Variants in KHDRBS2 observed in about 807,000 individuals in gnomAD.
KHDRBS2 encodes KH domain-containing, RNA-binding, signal transduction-associated protein 2.
A neutral mutation model predicts 44.3 loss-of-function variants in KHDRBS2; 26 were observed. The observed-to-expected ratio is 0.59, with a 90% CI of 0.43 to 0.81. The LOEUF is 0.81. Among genes scored for constraint, KHDRBS2 ranks in the 40% least tolerant of loss-of-function variants. The probability of loss-of-function intolerance (pLI) is 0.00; values close to 1 mark genes in which losing one functional copy is unlikely to be tolerated. For missense variants in KHDRBS2, 476 were observed against 433.1 expected, an observed-to-expected ratio of 1.10 and a Z score of -0.88; for synonymous variants, 194 against 151.1, an observed-to-expected ratio of 1.28 and a Z score of -2.08.
the KHDRBS2 span, among the ~76,000 whole-genome samples, chr6:61,671,798 CA>C: frequency 6.6e-6 from 1 of 151,650 alleles, no homozygotes; most frequent in Non-Finnish European, 1.5e-5. Context: ...ATGGCTTATA[CA>C]AGTATATTTC....
At chr6:61,827,243 GCA>G (rs987418804) in intron 6 of KHDRBS2, among the ~76,000 whole-genome samples, 3 of 152,158 alleles carry the variant, frequency 2.0e-5, no homozygotes, top group African/African-American at 7.2e-5. Flanking sequence ...TGCTCAAAAT[GCA>G]CAAAGTCCCT....
intron 6 of KHDRBS2, among the ~76,000 whole-genome samples, chr6:61,763,353 C>T (rs1488547794): frequency 6.6e-6 from 1 of 152,146 alleles, no homozygotes; most frequent in Non-Finnish European, 1.5e-5. Context: ...GCTGTTGTAA[C>T]TCTAACTTGT....
rs1810214885 is a variant in KHDRBS2 at position 62,131,166 on chromosome 6, A to T, written c.219+46019T>A. 2.0e-5 allele frequency among the ~76,000 whole-genome samples: 3 copies of T among 152,188 alleles called. No homozygotes were observed. The South Asian group carries it at 6.2e-4, about 31-fold the overall frequency. On this transcript the variant is annotated intron_variant, in intron 2 of 8. Coordinates refer to ENST00000281156, the MANE Select transcript of KHDRBS2 (RefSeq NM_152688.4). ...TTTTACAAAGTCCCCTAGTAATCTTATATGTTTGCCCACACTTGAGAACCT... is the reference window on the plus strand; with the variant it reads ...TTTTACAAAGTCCCCTAGTAATCTTTTATGTTTGCCCACACTTGAGAACCT...
chr6:62,160,645 T>TC (rs1817432019), intron 2 of KHDRBS2, among the ~76,000 whole-genome samples: 2 of 152,022 alleles, frequency 1.3e-5, no homozygotes, highest in African/African-American at 4.8e-5. Context: ...GTAAAGATAC[T>TC]TGTATAGGAG....
At chr6:61,577,469 G>A in the KHDRBS2 span, among the ~76,000 whole-genome samples, 388 of 152,166 alleles carry the variant, frequency 2.5e-3, 3 homozygotes, top group Middle Eastern at 0.065. Flanking sequence ...TCCAATACCA[G>A]CAAATTGCAC....
chr6:61,696,309 G>A (rs1437770075), intron 8 of KHDRBS2, among the ~76,000 whole-genome samples: 1 of 151,588 alleles, frequency 6.6e-6, no homozygotes, highest in East Asian at 1.9e-4. Context: ...AGGCTGGAGT[G>A]CGGTGGCACG....
intron 2 of KHDRBS2, among the ~76,000 whole-genome samples, chr6:62,087,434 AC>A (rs1444609076): frequency 6.6e-6 from 1 of 152,098 alleles, no homozygotes; most frequent in East Asian, 1.9e-4. Context: ...TTTAGAAGAC[AC>A]AAAAATAAAA....
chr6:62,270,238 T>C (rs1839855417), intron 1 of KHDRBS2, among the ~76,000 whole-genome samples: 1 of 151,508 alleles, frequency 6.6e-6, no homozygotes, highest in East Asian at 2.0e-4. Context: ...CTCTATTAGT[T>C]CACACAAGAG....
chr6:61,659,383 C>T, the KHDRBS2 span, among the ~76,000 whole-genome samples: 4 of 151,652 alleles, frequency 2.6e-5, no homozygotes, highest in Non-Finnish European at 5.9e-5. Flanking sequence ...CCTGCTGAAA[C>T]GAGTTAATGC....
intron 6 of KHDRBS2, among the ~76,000 whole-genome samples, chr6:61,870,030 T>C (rs1156351128): frequency 2.7e-5 from 4 of 147,722 alleles, no homozygotes; most frequent in Non-Finnish European, 5.9e-5. Flanking sequence ...GAGACAGAAG[T>C]GTTCCCTCCC....
At chr6:61,705,778 G>T (rs1316014746) in intron 7 of KHDRBS2, among the ~76,000 whole-genome samples, 2 of 151,706 alleles carry the variant, frequency 1.3e-5, no homozygotes, top group Admixed American at 1.3e-4. Flanking sequence ...AAGCACACAT[G>T]CTTCTCAGCA....
chr6:62,206,177 A>G (rs1388260070), intron 1 of KHDRBS2, among the ~76,000 whole-genome samples: 1 of 152,082 alleles, frequency 6.6e-6, no homozygotes, highest in Non-Finnish European at 1.5e-5. Flanking sequence ...ATATCCATTT[A>G]ATTTTCAAAA....
At chr6:61,839,414 G>A (rs1167226533) in intron 6 of KHDRBS2, among the ~76,000 whole-genome samples, 1 of 151,906 alleles carries the variant, frequency 6.6e-6, no homozygotes, top group Non-Finnish European at 1.5e-5. Flanking sequence ...TGAAAAAAAC[G>A]ACTGAGGAAA....
chr6:61,980,014 T>C (rs1773512033), intron 3 of KHDRBS2, among the ~76,000 whole-genome samples: 1 of 152,124 alleles, frequency 6.6e-6, no homozygotes, highest in African/African-American at 2.4e-5. Context: ...AATATGGTCA[T>C]TGAGTGACAT....
intron 6 of KHDRBS2, among the ~76,000 whole-genome samples, chr6:61,737,316 C>T (rs957876157): frequency 1.3e-5 from 2 of 152,070 alleles, no homozygotes. Flanking sequence ...CCCCACATAG[C>T]TGTACTTACT....
chr6:61,630,021 C>T, the KHDRBS2 span, among the ~76,000 whole-genome samples: 2 of 152,154 alleles, frequency 1.3e-5, no homozygotes, highest in Non-Finnish European at 2.9e-5. Context: ...GGTCAATACG[C>T]ATTTTAAAAT....
At chr6:62,118,517 G>A (rs1806832069) in intron 2 of KHDRBS2, among the ~76,000 whole-genome samples, 2 of 152,030 alleles carry the variant, frequency 1.3e-5, no homozygotes, top group Admixed American at 1.3e-4. Context: ...TATTTTCAAT[G>A]TTTCTTAAAA....
intron 3 of KHDRBS2, among the ~76,000 whole-genome samples, chr6:62,045,935 G>A (rs1398771562): frequency 3.5e-5 from 4 of 114,734 alleles, no homozygotes; most frequent in East Asian, 2.5e-4. Context: ...TCATTCAAAA[G>A]CAAGCAAGTG....
intron 6 of KHDRBS2, among the ~76,000 whole-genome samples, 192 bp from the exon 7 acceptor site, chr6:61,732,956 G>A (rs1323750898): frequency 4.6e-5 from 7 of 152,090 alleles, no homozygotes; most frequent in Admixed American, 4.6e-4. Flanking sequence ...AGGTATCAAT[G>A]TTTATTAAAC....
Sources: gnomAD v4.1 joint callset for allele counts (sites outside exome capture counted in the v4.1 genomes callset) on GRCh38, gnomAD v4.1.1 for gene constraint, MANE v1.5 for transcripts, NCBI Gene and HGNC (gene_info 2026-07-23, HGNC 2026-07-21) for gene names.